PRKCH: variants seen among roughly 807,000 people sequenced by gnomAD.
PRKCH encodes the protein protein kinase C eta, also known as protein kinase C eta type.
A neutral mutation model predicts 82.5 loss-of-function variants in PRKCH; 28 were observed. The ratio of observed to expected loss-of-function variants is 0.34; its 90% confidence interval spans 0.25 to 0.47. The LOEUF (loss-of-function observed/expected upper bound fraction) is 0.47, where lower values mean the gene tolerates loss of function less well. Ranked by LOEUF, PRKCH falls within the 20% of genes least tolerant of loss-of-function variation. PRKCH has a pLI of 1.00. For synonymous variants in PRKCH, 322 were observed against 327.4 expected (o/e 0.98, Z 0.18); for missense variants, 705 against 881.8 (o/e 0.80, Z 2.54).
intron 9 of PRKCH, among the ~76,000 whole-genome samples, chr14:61,458,528 T>A (rs979970804): frequency 1.3e-5 from 2 of 152,158 alleles, no homozygotes; most frequent in African/African-American, 4.8e-5. Context: ...GCCAGTCCCC[T>A]TTTCTCAGGG....
intron 1 of PRKCH, among the ~76,000 whole-genome samples, chr14:61,271,765 T>C (rs1339920434): frequency 1.3e-5 from 2 of 152,200 alleles, no homozygotes; most frequent in Non-Finnish European, 2.9e-5. Context: ...CAGCTATTTG[T>C]TTTGTCACTG....
intron 1 of PRKCH, among the ~76,000 whole-genome samples, chr14:61,291,432 C>G (rs968065067): frequency 6.8e-6 from 1 of 148,036 alleles, no homozygotes; most frequent in Non-Finnish European, 1.5e-5. Flanking sequence ...CGGGTTCAAG[C>G]AATTCTCCTG....
chr14:61,439,862 T>C (rs1245042860), intron 2 of PRKCH, among the ~76,000 whole-genome samples: 3 of 152,170 alleles, frequency 2.0e-5, no homozygotes, highest in Non-Finnish European at 2.9e-5. Context: ...CCTCTGGTTA[T>C]AAGGAATCAA....
chr14:61,512,078 C>A (rs1243973643), intron 10 of PRKCH, among the ~76,000 whole-genome samples: 1 of 151,814 alleles, frequency 6.6e-6, no homozygotes, highest in Non-Finnish European at 1.5e-5. Context: ...AATAGAGTTC[C>A]TTTTCTAATG....
chr14:61,221,518 C>T (rs1163896579), intron 1 of PRKCH, among the ~76,000 whole-genome samples: 1 of 151,976 alleles, frequency 6.6e-6, no homozygotes, highest in Non-Finnish European at 1.5e-5. Flanking sequence ...CTTTTCTCTC[C>T]TTTGCTCCTC....
At chr14:61,536,452 G>T (rs1236942308) in intron 12 of PRKCH, among the ~76,000 whole-genome samples, 1 of 152,124 alleles carries the variant, frequency 6.6e-6, no homozygotes, top group Non-Finnish European at 1.5e-5. Context: ...GAGGCAGGAA[G>T]AGCTGAGATC....
At chr14:61,401,639 C>G (rs1225798720) in intron 2 of PRKCH, among the ~76,000 whole-genome samples, 3 of 152,164 alleles carry the variant, frequency 2.0e-5, no homozygotes, top group Non-Finnish European at 2.9e-5. Context: ...CACGTAGTTG[C>G]AGGAGGAAGA....
chr14:61,215,462 C>T (rs1788130764), intron 1 of PRKCH, among the ~76,000 whole-genome samples: 2 of 152,164 alleles, frequency 1.3e-5, no homozygotes, highest in Admixed American at 6.5e-5. Flanking sequence ...TGCCAGCCAG[C>T]CCTGTAACCT....
intron 2 of PRKCH, among the ~76,000 whole-genome samples, chr14:61,423,876 C>T (rs970584566): frequency 2.0e-5 from 3 of 152,062 alleles, no homozygotes; most frequent in Non-Finnish European, 4.4e-5. Flanking sequence ...GTTTTGTGTC[C>T]TCACCCAAAT....
chr14:61,363,758 G>A (rs568120455), intron 1 of PRKCH, among the ~76,000 whole-genome samples: 4 of 150,662 alleles, frequency 2.7e-5, no homozygotes, highest in East Asian at 3.9e-4. Context: ...AGAAGGCAAC[G>A]GGCAGGGGAT....
intron 10 of PRKCH, among the ~76,000 whole-genome samples, chr14:61,521,025 G>A (rs2042898391): frequency 6.6e-6 from 1 of 152,116 alleles, no homozygotes; most frequent in Admixed American, 6.5e-5. Flanking sequence ...TTTTTACAGT[G>A]GAATTGTATG....
intron 10 of PRKCH, among the ~76,000 whole-genome samples, chr14:61,524,009 T>C (rs1184416494): frequency 2.6e-5 from 4 of 152,234 alleles, no homozygotes; most frequent in Non-Finnish European, 4.4e-5. Flanking sequence ...CTTTTGTCTG[T>C]TTTGAAATTT....
chr14:61,497,642 A>G (rs943693645), intron 10 of PRKCH, among the ~76,000 whole-genome samples: 5 of 152,150 alleles, frequency 3.3e-5, no homozygotes, highest in African/African-American at 9.7e-5. Context: ...TTAGTCCCCA[A>G]ACACCCCCAT....
intron 1 of PRKCH, among the ~76,000 whole-genome samples, chr14:61,339,922 C>G (rs781668258): frequency 2.6e-5 from 4 of 151,452 alleles, no homozygotes; most frequent in Admixed American, 6.6e-5. Flanking sequence ...GGGGCTCAAG[C>G]GATCCTCTTG....
intron 1 of PRKCH, among the ~76,000 whole-genome samples, chr14:61,250,492 G>C (rs539589735): frequency 2.6e-5 from 4 of 152,230 alleles, no homozygotes; most frequent in Non-Finnish European, 5.9e-5. Context: ...AATCTGAACA[G>C]GCTACATGTT....
chr14:61,230,223 C>T (rs541610463), intron 1 of PRKCH, among the ~76,000 whole-genome samples: 5 of 152,154 alleles, frequency 3.3e-5, no homozygotes, highest in Non-Finnish European at 7.4e-5. Context: ...GCTTCCAATG[C>T]ATACGCTTCC....
chr14:61,280,565 C>A lies in PRKCH; in HGVS notation c.-19+92897C>A. The stretch of plus-strand genomic sequence containing the variant: ...TGGTAGTCGGTCCACCAGGCGATGC[C>A]GGAGCGGTCGAGCGGCACCTCGACG... On this transcript the variant is annotated intron_variant, in intron 1 of 3. Coordinates refer to the PRKCH transcript ENST00000555185. This position sits in a 1 kb window ranked among gnomAD's most constrained non-coding sequence, Gnocchi z 5.0. 1.2e-6 allele frequency: 2 copies of A among 1,607,186 alleles called. No individual in the cohort carries two copies.
At chr14:61,439,288 C>T (rs1350456774) in intron 2 of PRKCH, among the ~76,000 whole-genome samples, 3 of 152,140 alleles carry the variant, frequency 2.0e-5, no homozygotes, top group Non-Finnish European at 2.9e-5. Flanking sequence ...AGTCTGTAGG[C>T]AAGTGAAGAG....
chr14:61,485,256 T>C (rs1026886878), intron 9 of PRKCH, among the ~76,000 whole-genome samples: 1 of 152,160 alleles, frequency 6.6e-6, no homozygotes, highest in African/African-American at 2.4e-5. Flanking sequence ...TTCTGTACTT[T>C]TGATTTCATG....
Sources: allele counts gnomAD v4.1 joint callset (sites outside exome capture counted in the v4.1 genomes callset), GRCh38; gene constraint gnomAD v4.1.1; non-coding constraint Gnocchi (gnomAD v3.1); transcripts MANE v1.5; gene names NCBI Gene and HGNC (gene_info 2026-07-23, HGNC 2026-07-21).